PPFIA2: variants seen among roughly 807,000 people sequenced by gnomAD.
PPFIA2 encodes PPFI scaffold protein A2, also known as liprin-alpha-2.
Under a neutral mutation model 175.5 loss-of-function variants are expected in PPFIA2, and 46 were observed. The ratio of observed to expected loss-of-function variants is 0.26; its 90% CI spans 0.21 to 0.34. The LOEUF (loss-of-function observed/expected upper bound fraction) is 0.34. Ranked by LOEUF, PPFIA2 falls within the 10% of genes least tolerant of loss-of-function variation. The pLI, the probability that PPFIA2 is intolerant of heterozygous loss-of-function variation, is 1.00. For synonymous variants in PPFIA2, 568 were observed against 511.4 expected (o/e 1.11, Z -1.49); for missense variants, 1,179 against 1,506.1 (o/e 0.78, Z 3.60).
intron 3 of PPFIA2, among the ~76,000 whole-genome samples, chr12:81,744,198 C>A (rs2082717738): frequency 6.6e-6 from 1 of 152,020 alleles, no homozygotes. Context: ...TTCATGTAAC[C>A]TACAGTTTCT....
intron 4 of PPFIA2, among the ~76,000 whole-genome samples, chr12:81,529,175 G>T (rs2064138883): frequency 6.6e-6 from 1 of 151,740 alleles, no homozygotes; most frequent in Non-Finnish European, 1.5e-5. Context: ...ACCCTCAAGA[G>T]AATTATTCTT....
intron 22 of PPFIA2, among the ~76,000 whole-genome samples, chr12:81,303,980 T>C (rs1448788597): frequency 1.3e-5 from 2 of 152,200 alleles, no homozygotes; most frequent in Non-Finnish European, 2.9e-5. Context: ...CGATTGTTGT[T>C]GTGGTCTAAT....
intron 4 of PPFIA2, among the ~76,000 whole-genome samples, chr12:81,640,412 G>C (rs1293990248): frequency 6.6e-6 from 1 of 152,080 alleles, no homozygotes; most frequent in African/African-American, 2.4e-5. Context: ...CTTATCCTAC[G>C]TATCTAATCA....
At chr12:81,406,048 T>C (rs905358189) in intron 7 of PPFIA2, 145 bp from the exon 8 acceptor site, 4 of 530,938 alleles carry the variant, frequency 7.5e-6, no homozygotes, top group Non-Finnish European at 9.8e-6. Flanking sequence ...GAATTATTAT[T>C]CAAAATATGT....
At chr12:81,720,883 C>A (rs1204495916) in intron 3 of PPFIA2, among the ~76,000 whole-genome samples, 3 of 151,056 alleles carry the variant, frequency 2.0e-5, no homozygotes, top group Non-Finnish European at 3.0e-5. Flanking sequence ...AACCAAAGAT[C>A]CCTAACTAAT....
chr12:81,305,263 T>C (rs1298905362), intron 22 of PPFIA2, among the ~76,000 whole-genome samples: 1 of 152,170 alleles, frequency 6.6e-6, no homozygotes, highest in African/African-American at 2.4e-5. Context: ...ATGTATTCAA[T>C]AGATAACTAA....
intron 16 of PPFIA2, among the ~76,000 whole-genome samples, chr12:81,357,023 T>C (rs1038454680): frequency 6.6e-6 from 1 of 152,154 alleles, no homozygotes; most frequent in African/African-American, 2.4e-5. Context: ...AGATCCTAGA[T>C]CTCTTTTATT....
At chr12:81,296,662 G>A (rs2138036291) in intron 23 of PPFIA2, 1 of 152,248 alleles carries the variant, frequency 6.6e-6, no homozygotes, top group South Asian at 2.1e-4. Context: ...TTGTGAGAGT[G>A]AGAAAAAGTG....
intron 3 of PPFIA2, among the ~76,000 whole-genome samples, chr12:81,737,641 C>T (rs2153649311): frequency 6.6e-6 from 1 of 151,954 alleles, no homozygotes; most frequent in South Asian, 2.1e-4. Context: ...AGCAGAAAGA[C>T]TTAAAATGGC....
intron 22 of PPFIA2, among the ~76,000 whole-genome samples, chr12:81,312,947 A>G (rs987946212): frequency 1.3e-5 from 2 of 152,214 alleles, no homozygotes; most frequent in Non-Finnish European, 2.9e-5. Flanking sequence ...CTGGCAAAAT[A>G]AACATCAAGT....
At chr12:81,272,611 G>T (rs2039441600) in intron 28 of PPFIA2, among the ~76,000 whole-genome samples, 1 of 151,814 alleles carries the variant, frequency 6.6e-6, no homozygotes, top group Non-Finnish European at 1.5e-5. Flanking sequence ...ACACTGTCAG[G>T]GTCAACTATG....
chr12:81,346,553 G>A (rs2059104984), intron 18 of PPFIA2, among the ~76,000 whole-genome samples: 2 of 149,982 alleles, frequency 1.3e-5, no homozygotes, highest in East Asian at 3.9e-4. Flanking sequence ...TTAGAATGGG[G>A]AAATTTGACT....
intron 4 of PPFIA2, among the ~76,000 whole-genome samples, chr12:81,521,836 A>G (rs1257117824): frequency 6.6e-6 from 1 of 151,578 alleles, no homozygotes; most frequent in Non-Finnish European, 1.5e-5. Flanking sequence ...AAAAAAAAAA[A>G]TTATTGCACA....
chr12:81,347,737 C>A lies in PPFIA2; in HGVS notation c.2028G>T (p.Leu676Phe). The part of the protein sequence containing the change: ...LIQEEKESTE[L>F]RAEEIENRVA... The stretch of plus-strand genomic sequence containing the variant: ...CTCTATTTTCAATTTCTTCAGCACG[C>A]AACTCTGTAGATTCTTTTTCTTCCT... Residue 676 changes from leucine to phenylalanine, a missense_variant, in exon 18 of 33, where the codon TTG becomes TTT. Leu to Phe is a conservative substitution (Grantham distance 22). Coordinates refer to ENST00000549396, the MANE Select transcript of PPFIA2 (RefSeq NM_003625.5). 6.2e-7 allele frequency: 1 copy of A among 1,613,844 alleles called. No homozygotes were observed. The highest frequency in any genetic ancestry group is 8.5e-7 in the Non-Finnish European group (1 of 1,179,818).
intron 4 of PPFIA2, among the ~76,000 whole-genome samples, chr12:81,619,347 AC>A (rs2061769926): frequency 6.6e-6 from 1 of 152,200 alleles, no homozygotes; most frequent in African/African-American, 2.4e-5. Flanking sequence ...TTGTCATACA[AC>A]CCAGCAAAAG....
At chr12:81,519,104 T>A (rs566180550) in intron 4 of PPFIA2, among the ~76,000 whole-genome samples, 1 of 152,252 alleles carries the variant, frequency 6.6e-6, no homozygotes, top group South Asian at 2.1e-4. Context: ...TTTTAAAAAC[T>A]TTTCCTCCTA....
intron 21 of PPFIA2, among the ~76,000 whole-genome samples, chr12:81,333,748 C>G (rs1425589764): frequency 6.6e-6 from 1 of 152,076 alleles, no homozygotes; most frequent in Non-Finnish European, 1.5e-5. Context: ...TAATACTAAT[C>G]TTTTCACTTA....
chr12:81,758,268 G>A, intron 2 of PPFIA2, 132 bp downstream of exon 2: 1 of 410,306 alleles, frequency 2.4e-6, no homozygotes, highest in South Asian at 1.8e-5. Context: ...TGAGGTGAAA[G>A]CAAAAGGCAC....
chr12:81,665,687 G>C (rs1447175455), intron 4 of PPFIA2, among the ~76,000 whole-genome samples: 1 of 151,968 alleles, frequency 6.6e-6, no homozygotes, highest in Non-Finnish European at 1.5e-5. Context: ...AAAAGATCCT[G>C]TTTTCATCAT....
Sources: allele counts gnomAD v4.1 joint callset (sites outside exome capture counted in the v4.1 genomes callset), GRCh38; gene constraint gnomAD v4.1.1; transcripts MANE v1.5; gene names NCBI Gene and HGNC (gene_info 2026-07-23, HGNC 2026-07-21).